The following IFI44L variants were observed in gnomAD, a reference collection of about 807,000 sequenced individuals.
IFI44L encodes the protein interferon induced protein 44 like.
A neutral mutation model predicts 39.3 loss-of-function variants in IFI44L; 40 were observed. That is an observed-to-expected ratio of 1.02 (90% CI 0.79 to 1.33). The LOEUF is 1.33. Ranked by LOEUF, IFI44L falls within the 40% of genes most tolerant of loss-of-function variation. The pLI is 0.00. For missense variants in IFI44L, 623 were observed against 549.0 expected, an observed-to-expected ratio of 1.13 and a Z score of -1.35; for synonymous variants, 198 against 182.3, an observed-to-expected ratio of 1.09 and a Z score of -0.69.
chr1:78,640,597 T>A (rs1646971231), intron 6 of IFI44L, among the ~76,000 whole-genome samples: 1 of 152,140 alleles, frequency 6.6e-6, no homozygotes, highest in African/African-American at 2.4e-5. Flanking sequence ...TCCCTGTGGT[T>A]TGAGGGAGAA....
At chr1:78,628,453 G>C (rs1652590571) in intron 2 of IFI44L, 60 bp downstream of exon 2, 4 of 954,526 alleles carry the variant, frequency 4.2e-6, no homozygotes, top group Non-Finnish European at 6.3e-6. Flanking sequence ...GTGTTCGGTA[G>C]GTAATAATTG....
chr1:78,639,161 G>C lies in IFI44L; in HGVS notation c.1049-1860G>C, dbSNP rs147381120. Among the ~76,000 whole-genome samples the C allele has an allele frequency of 9.2e-4, 140 of 152,206 alleles. 1 individual carries two copies. The highest frequency in any genetic ancestry group is 3.3e-3 in the African/African-American group (138 of 41,560). On this transcript the variant is annotated intron_variant, in intron 6 of 8. Transcript: ENST00000370751. ...CTCTGACACTTCCAGAGAGGGAAAA[G>C]AGCACCTCATTGCTGCTGATTCGGT...
At chr1:78,622,862 A>G (rs1442483031) in intron 1 of IFI44L, among the ~76,000 whole-genome samples, 1 of 152,224 alleles carries the variant, frequency 6.6e-6, no homozygotes, top group Non-Finnish European at 1.5e-5. Context: ...GCTTGGAAGC[A>G]TGTCCTTCTC....
chr1:78,622,658 G>C (rs1279252722), intron 1 of IFI44L, among the ~76,000 whole-genome samples: 2 of 152,162 alleles, frequency 1.3e-5, no homozygotes, highest in Admixed American at 6.5e-5. Flanking sequence ...TGCTATGCTA[G>C]GAGATTCTCT....
At chr1:78,640,479 G>C (rs114228219) in intron 6 of IFI44L, among the ~76,000 whole-genome samples, 2,746 of 152,194 alleles carry the variant, frequency 0.018, 89 homozygotes, top group African/African-American at 0.062. Context: ...AGTCCTGGGA[G>C]CTTCCTTGAC....
intron 1 of IFI44L, among the ~76,000 whole-genome samples, chr1:78,623,065 G>C (rs1045867501): frequency 6.6e-6 from 1 of 152,202 alleles, no homozygotes; most frequent in African/African-American, 2.4e-5. Flanking sequence ...CACTAAATTA[G>C]TTAATACTAT....
At chr1:78,622,861 C>A (rs1397417899) in intron 1 of IFI44L, among the ~76,000 whole-genome samples, 1 of 152,206 alleles carries the variant, frequency 6.6e-6, no homozygotes, top group African/African-American at 2.4e-5. Context: ...AGCTTGGAAG[C>A]ATGTCCTTCT....
rs370579164 is a variant in IFI44L, at chr1:78,620,524, C to G, written c.-58C>G. The G allele has an allele frequency of 6.6e-6, 1 of 152,170 alleles. No homozygotes were observed. The highest frequency in any genetic ancestry group is 1.5e-5 in the Non-Finnish European group (1 of 68,036). The allele number at this position is 152,170 out of a possible 1,614,324, so 9.4% of individuals were successfully genotyped here. A position where few individuals can be genotyped will look rare whatever the true frequency, so the allele number is the denominator to read the frequency against. Reference sequence around the variant, plus strand: ...AACCGTGGCTGCTCGATAAATCAGACAGAACAGTTAATCCTCAATTTAAGC... The same window carrying G: ...AACCGTGGCTGCTCGATAAATCAGAGAGAACAGTTAATCCTCAATTTAAGC... On this transcript the variant is annotated 5_prime_UTR_variant, in exon 1 of 9. Transcript: ENST00000370751.
rs776264141 is a variant in IFI44L at position 78,629,852 on chromosome 1, T to C, written c.660T>C (p.Ile220=). The change falls in exon 4 of 9, where the codon ATT becomes ATC. Residue 220 remains isoleucine (I), a synonymous_variant. Transcript: ENST00000370751. ...GTTTTTTCAATTCAGTCAAGTCTAT[T>C]TTTCATGGCCATGTGACTGGCCAAG... ...KSSFFNSVKS[I]FHGHVTGQAV... is the part of the protein sequence containing the mutation. 5.0e-6 allele frequency: 8 copies of C among 1,613,706 alleles called. No individual in the cohort carries two copies. Among genetic ancestry groups the C allele is most frequent in the Non-Finnish European group, 6.8e-6 (8 of 1,179,852 alleles).
chr1:78,635,766 A>G, intron 5 of IFI44L: 1 of 391,546 alleles, frequency 2.6e-6, no homozygotes, highest in Non-Finnish European at 4.6e-6. Flanking sequence ...TCTTTACAAT[A>G]ATGTAAACTA....
intron 4 of IFI44L, among the ~76,000 whole-genome samples, chr1:78,632,317 T>C (rs1360951014): frequency 4.6e-5 from 7 of 152,188 alleles, no homozygotes; most frequent in Admixed American, 4.6e-4. Context: ...TTGAGAAACC[T>C]GTATTCACTA....
At chr1:78,638,315 A>G (rs1231812908) in intron 6 of IFI44L, among the ~76,000 whole-genome samples, 1 of 152,126 alleles carries the variant, frequency 6.6e-6, no homozygotes, top group Admixed American at 6.6e-5. Flanking sequence ...GAATGTTAAA[A>G]GATCTATAAA....
chr1:78,632,129 T>G (rs1037114277), intron 4 of IFI44L, among the ~76,000 whole-genome samples: 1 of 152,140 alleles, frequency 6.6e-6, no homozygotes, highest in African/African-American at 2.4e-5. Context: ...TTAACTGAAC[T>G]TTTTTTAAAT....
At position 78,637,055 on chromosome 1, in the gene IFI44L, A is replaced by G. The variant is rs756932201; in HGVS notation, c.900A>G (p.Thr300=). The G allele has an allele frequency of 2.2e-5, 35 of 1,611,800 alleles. No individual in the cohort carries two copies. The highest frequency in any genetic ancestry group is 2.9e-5 in the Non-Finnish European group (34 of 1,178,318). Reference sequence around the variant, plus strand: ...AGTTTAATTCCCGTAAACCAATTACACCTGAGCATTCTACTTTTATCACCT... The same window carrying G: ...AGTTTAATTCCCGTAAACCAATTACGCCTGAGCATTCTACTTTTATCACCT... ...RYQFNSRKPI[T]PEHSTFITSP... Residue 300 remains threonine, a synonymous_variant, in exon 6 of 9, where the codon ACA becomes ACG. Transcript: ENST00000370751.
At chr1:78,632,205 T>C (rs185626982) in intron 4 of IFI44L, among the ~76,000 whole-genome samples, 20 of 152,262 alleles carry the variant, frequency 1.3e-4, no homozygotes, top group African/African-American at 3.8e-4. Context: ...GCAGGTATCT[T>C]AATGCAAATG....
At chr1:78,632,098 AG>A (rs1652770470) in intron 4 of IFI44L, among the ~76,000 whole-genome samples, 1 of 152,206 alleles carries the variant, frequency 6.6e-6, no homozygotes, top group Non-Finnish European at 1.5e-5. Context: ...CTTTAGAAAA[AG>A]CACTGGAGCA....
chr1:78,623,260 ATCTTG>A (rs1652345085), intron 1 of IFI44L, among the ~76,000 whole-genome samples: 1 of 152,070 alleles, frequency 6.6e-6, no homozygotes, highest in Admixed American at 6.6e-5. Flanking sequence ...AAAGTGGATA[ATCTTG>A]TCTTGTACTT....
chr1:78,642,512 T>A lies in IFI44L; in HGVS notation c.*703T>A, dbSNP rs892235147. 1.4e-4 allele frequency: 21 copies of A among 151,652 alleles called. No homozygotes were observed. The highest frequency in any genetic ancestry group is 4.6e-4 in the African/African-American group (19 of 41,270). 9.4% of individuals were successfully genotyped at this position (151,652 alleles called of 1,614,324 possible). A position where few individuals can be genotyped will look rare whatever the true frequency, so the allele number is the denominator to read the frequency against. On this transcript the variant is annotated 3_prime_UTR_variant, in exon 9 of 9. Coordinates refer to ENST00000370751, the MANE Select transcript of IFI44L (RefSeq NM_006820.4). The stretch of plus-strand genomic sequence containing the variant: ...TGAGCCTTGGAGGTGGAGGCTACAG[T>A]GAGCTGAGATTGTGCCACTGTACTC...
At chr1:78,634,684 C>T (rs1190159645) in intron 4 of IFI44L, among the ~76,000 whole-genome samples, 2 of 151,970 alleles carry the variant, frequency 1.3e-5, no homozygotes, top group African/African-American at 4.8e-5. Context: ...ATTCAGAATA[C>T]TCATACTATA....
Sources: gnomAD v4.1 joint callset for allele counts (sites outside exome capture counted in the v4.1 genomes callset) on GRCh38, gnomAD v4.1.1 for gene constraint, MANE v1.5 for transcripts, NCBI Gene and HGNC (gene_info 2026-07-23, HGNC 2026-07-21) for gene names.